Variants in MGAT4C observed in about 807,000 individuals in gnomAD.
The protein encoded by MGAT4C is alpha-1,3-mannosyl-glycoprotein 4-beta-N-acetylglucosaminyltransferase C.
MGAT4C carries 19 observed loss-of-function variants against 40.1 expected under a neutral mutation model. The observed-to-expected ratio is 0.47, with a 90% CI of 0.33 to 0.70. The LOEUF (loss-of-function observed/expected upper bound fraction) is 0.70, where lower values mean the gene tolerates loss of function less well. Among genes scored for constraint, MGAT4C ranks in the 30% least tolerant of loss-of-function variants. The pLI, the probability that MGAT4C is intolerant of heterozygous loss-of-function variation, is 0.02. For missense variants in MGAT4C, 491 were observed against 563.2 expected (o/e 0.87, Z 1.30); for synonymous variants, 181 against 187.1 (o/e 0.97, Z 0.27).
chr12:86,773,935 AAAGT>A (rs1951682153), intron 1 of MGAT4C, among the ~76,000 whole-genome samples: 1 of 137,440 alleles, frequency 7.3e-6, no homozygotes, highest in Non-Finnish European at 1.6e-5. Context: ...ACATTTTTTT[AAAGT>A]AACTTCTTTT....
rs73182000 is a variant in MGAT4C, at chr12:86,297,337, G to A, written c.-57+36728C>T. On this transcript the variant is annotated intron_variant, in intron 4 of 7. Transcript: ENST00000548651. ...TTATGTAGCTCAATCTTTGAAGCAC[G>A]GTAATAGTATGATTTTGCACGTGAT... Among the ~76,000 whole-genome samples, 4 of 152,148 alleles carry A rather than the reference G, an allele frequency of 2.6e-5. No homozygotes were observed. In the South Asian group the frequency reaches 6.2e-4, roughly 24 times the overall value.
At chr12:86,298,804 A>G (rs1457728636) in intron 4 of MGAT4C, among the ~76,000 whole-genome samples, 1 of 152,148 alleles carries the variant, frequency 6.6e-6, no homozygotes, top group East Asian at 1.9e-4. Flanking sequence ...AGAATATTGT[A>G]TTTTACCTCT....
intron 1 of MGAT4C, among the ~76,000 whole-genome samples, chr12:86,738,577 T>C (rs751620613): frequency 1.3e-5 from 2 of 151,304 alleles, no homozygotes; most frequent in Non-Finnish European, 3.0e-5. Context: ...TTATAGTCAG[T>C]TGCAAGTATG....
At chr12:86,375,215 T>A (rs958883328) in intron 3 of MGAT4C, among the ~76,000 whole-genome samples, 1 of 152,108 alleles carries the variant, frequency 6.6e-6, no homozygotes, top group East Asian at 1.9e-4. Flanking sequence ...GAAAGAGATA[T>A]AGAAATAGGA....
intron 2 of MGAT4C, among the ~76,000 whole-genome samples, chr12:86,468,312 A>T (rs1957710619): frequency 6.6e-6 from 1 of 151,690 alleles, no homozygotes; most frequent in African/African-American, 2.4e-5. Flanking sequence ...TTTTCACCTT[A>T]CTACACATCC....
intron 2 of MGAT4C, among the ~76,000 whole-genome samples, chr12:86,487,863 C>G (rs963425244): frequency 6.6e-6 from 1 of 151,940 alleles, no homozygotes; most frequent in African/African-American, 2.4e-5. Flanking sequence ...ATAAACATTG[C>G]GTCTAAAATA....
chr12:86,561,873 G>A (rs1292299998), intron 2 of MGAT4C, among the ~76,000 whole-genome samples: 1 of 152,150 alleles, frequency 6.6e-6, no homozygotes, highest in Non-Finnish European at 1.5e-5. Flanking sequence ...CATTTCTGGA[G>A]TTGGCTGCTT....
rs566106049 is a variant in MGAT4C at position 86,320,464 on chromosome 12, TA to T, written c.-57+13600del. ...GACTTAATATTTTTCATGGTAAAAA[TA>T]GTAATAGTAATAACAATAATAGTAA... On this transcript the variant is annotated intron_variant, in intron 4 of 7. Transcript: ENST00000548651. 2.3e-3 allele frequency among the ~76,000 whole-genome samples: 356 copies of T among 152,252 alleles called. 1 individual carries two copies. Among genetic ancestry groups the T allele is most frequent in the African/African-American group, 8.0e-3 (331 of 41,568 alleles).
chr12:86,308,009 G>C (rs1309596242), intron 4 of MGAT4C, among the ~76,000 whole-genome samples: 2 of 150,290 alleles, frequency 1.3e-5, no homozygotes, highest in Non-Finnish European at 2.9e-5. Flanking sequence ...GACCATTTGG[G>C]TACAATTTTT....
chr12:86,119,230 T>C (rs1235482443), intron 1 of MGAT4C, among the ~76,000 whole-genome samples: 1 of 152,068 alleles, frequency 6.6e-6, no homozygotes, highest in East Asian at 1.9e-4. Flanking sequence ...TATATATTTA[T>C]ATAACAGTTG....
chr12:86,686,965 G>A (rs149165355), intron 2 of MGAT4C, among the ~76,000 whole-genome samples: 4,740 of 152,198 alleles, frequency 0.031, 121 homozygotes, highest in African/African-American at 0.074. Context: ...GTCTGGTCCT[G>A]GGCTTTTTGT....
At chr12:86,156,354 C>T (rs542834841) in intron 1 of MGAT4C, among the ~76,000 whole-genome samples, 1 of 152,198 alleles carries the variant, frequency 6.6e-6, no homozygotes, top group East Asian at 1.9e-4. Context: ...CGGAGTTCTG[C>T]TCTTGTTGTC....
chr12:86,077,549 C>T (rs917682269), intron 1 of MGAT4C, among the ~76,000 whole-genome samples: 3 of 152,238 alleles, frequency 2.0e-5, no homozygotes, highest in African/African-American at 7.2e-5. Flanking sequence ...CTCACTTCTG[C>T]AGCTGGTCAC....
At chr12:86,827,103 G>C (rs187514095) in intron 1 of MGAT4C, among the ~76,000 whole-genome samples, 1 of 151,212 alleles carries the variant, frequency 6.6e-6, no homozygotes, top group East Asian at 2.0e-4. Context: ...TCAGACACAA[G>C]GTATTTATTT....
At chr12:86,241,324 T>C (rs1034204288) in intron 1 of MGAT4C, among the ~76,000 whole-genome samples, 2 of 152,176 alleles carry the variant, frequency 1.3e-5, no homozygotes, top group African/African-American at 4.8e-5. Flanking sequence ...GATTCTTTTC[T>C]CATCCCATCT....
intron 2 of MGAT4C, among the ~76,000 whole-genome samples, chr12:86,449,318 T>G (rs1463630860): frequency 6.6e-6 from 1 of 152,160 alleles, no homozygotes; most frequent in Non-Finnish European, 1.5e-5. Flanking sequence ...TTAAAGAAGT[T>G]TTATTTAGAT....
At chr12:86,395,368 T>C (rs951237515) in intron 3 of MGAT4C, among the ~76,000 whole-genome samples, 2 of 152,140 alleles carry the variant, frequency 1.3e-5, no homozygotes, top group Non-Finnish European at 2.9e-5. Flanking sequence ...TATTAGAGCA[T>C]TCACAGGGAA....
intron 1 of MGAT4C, among the ~76,000 whole-genome samples, chr12:86,085,101 C>T (rs1358510846): frequency 2.0e-5 from 3 of 151,866 alleles, no homozygotes; most frequent in Non-Finnish European, 4.4e-5. Flanking sequence ...TCTATACATT[C>T]TCTCATATAG....
intron 2 of MGAT4C, among the ~76,000 whole-genome samples, chr12:86,040,865 A>G: frequency 6.6e-6 from 1 of 152,174 alleles, no homozygotes; most frequent in Admixed American, 6.5e-5. Context: ...TGCGAAAACC[A>G]TGGGAAAGCA....
Sources: allele counts gnomAD v4.1 joint callset (sites outside exome capture counted in the v4.1 genomes callset), GRCh38; gene constraint gnomAD v4.1.1; transcripts MANE v1.5; gene names NCBI Gene and HGNC (gene_info 2026-07-23, HGNC 2026-07-21).